The following CTBP2 variants were observed in gnomAD, a reference collection of about 807,000 sequenced individuals.
The protein encoded by CTBP2 is C-terminal-binding protein 2.
A neutral mutation model predicts 80.3 loss-of-function variants in CTBP2; 30 were observed. The observed-to-expected ratio is 0.37, with a 90% CI of 0.28 to 0.51. The LOEUF (loss-of-function observed/expected upper bound fraction) is 0.51. Among genes scored for constraint, CTBP2 ranks in the 20% least tolerant of loss-of-function variants. CTBP2 has a pLI of 0.93. For synonymous variants in CTBP2, 594 were observed against 587.4 expected (o/e 1.01, Z -0.16); for missense variants, 1,212 against 1,375.3 (o/e 0.88, Z 1.88).
rs570443851 is a variant in CTBP2 at position 125,057,517 on chromosome 10, C to T, written c.-101-18362G>A. On this transcript the variant is annotated intron_variant, in intron 2 of 10. Coordinates refer to the CTBP2 transcript ENST00000337195. ...ATCGGCCACTGAGGCCCAGACTCCCCCCGACTGAGTCTTTTGGGGATGACG... is the reference window on the plus strand; with the variant it reads ...ATCGGCCACTGAGGCCCAGACTCCCTCCGACTGAGTCTTTTGGGGATGACG... Among the ~76,000 whole-genome samples the T allele has an allele frequency of 7.2e-5, 11 of 152,342 alleles. No individual in the cohort carries two copies. In the South Asian group the frequency reaches 2.1e-3, roughly 29 times the overall value.
At chr10:125,089,439 A>G (rs1160187816) in intron 2 of CTBP2, among the ~76,000 whole-genome samples, 1 of 152,196 alleles carries the variant, frequency 6.6e-6, no homozygotes, top group Non-Finnish European at 1.5e-5. Context: ...GGGGGAGCAC[A>G]GGTGTCTAGG....
At position 124,988,326 on chromosome 10, in the gene CTBP2, GAACTT is replaced by G. The variant is rs1293502694; in HGVS notation, c.*1187_*1191del. On this transcript the variant is annotated 3_prime_UTR_variant, in exon 9 of 9. Transcript: ENST00000309035. ...ATTAGTGAGATGTACTTGAATTTCA[GAACTT>G]AACAAATTTTAATTACTTTTTATTG... The G allele has an allele frequency of 1.3e-5, 2 of 152,594 alleles. No individual in the cohort carries two copies. The highest frequency in any genetic ancestry group is 4.8e-5 in the African/African-American group (2 of 41,428). The allele number at this position is 152,594 out of a possible 1,614,324, so 9.5% of individuals were successfully genotyped here.
intron 1 of CTBP2, among the ~76,000 whole-genome samples, chr10:125,009,989 G>C (rs1487876361): frequency 2.0e-5 from 3 of 152,166 alleles, no homozygotes; most frequent in Non-Finnish European, 4.4e-5. Flanking sequence ...GGCTGATCTG[G>C]AAAGTGAGCA....
chr10:125,026,152 TGA>T lies in CTBP2; in HGVS notation c.1606_1607del (p.Ser536ThrfsTer65). 3 of 1,607,988 alleles carry T rather than the reference TGA, an allele frequency of 1.9e-6. No homozygotes were observed. In the South Asian group the frequency reaches 3.3e-5, roughly 18 times the overall value. On this transcript the variant is annotated frameshift_variant, in exon 1 of 9. Coordinates refer to ENST00000309035, the MANE Select transcript of CTBP2 (RefSeq NM_022802.3). LOFTEE classifies it high-confidence loss of function. ...TGCGCCGGGCCACCTTCTGGTACGGTGAGTGAGGCGTGTGGAGGCTCTGGCTG... is the reference window on the plus strand; with the variant it reads ...TGCGCCGGGCCACCTTCTGGTACGGTGTGAGGCGTGTGGAGGCTCTGGCTG...
chr10:125,040,762 G>A (rs1959481329), intron 2 of CTBP2, among the ~76,000 whole-genome samples: 1 of 152,136 alleles, frequency 6.6e-6, no homozygotes, highest in South Asian at 2.1e-4. Flanking sequence ...TTTATCAAAA[G>A]GTCAGACTGC....
At chr10:125,139,017 T>G (rs1028710514) in intron 1 of CTBP2, among the ~76,000 whole-genome samples, 3 of 152,180 alleles carry the variant, frequency 2.0e-5, no homozygotes, top group African/African-American at 7.2e-5. Flanking sequence ...ATTACTATTA[T>G]GCATCTACCA....
At chr10:125,040,545 T>TC (rs34491242) in intron 2 of CTBP2, among the ~76,000 whole-genome samples, 7 of 150,258 alleles carry the variant, frequency 4.7e-5, no homozygotes, top group Middle Eastern at 3.2e-3. Context: ...ATTTTTTTTT[T>TC]CCCAAGGAAT....
intron 1 of CTBP2, among the ~76,000 whole-genome samples, chr10:125,150,533 G>A (rs962331186): frequency 1.3e-5 from 2 of 152,006 alleles, no homozygotes; most frequent in Non-Finnish European, 1.5e-5. Context: ...AAGAAGCCTC[G>A]GTCAGCCACA....
chr10:124,998,317 G>A (rs539686999), intron 3 of CTBP2, 147 bp from the exon 6 acceptor site: 30 of 829,944 alleles, frequency 3.6e-5, no homozygotes, highest in African/African-American at 6.8e-5. Context: ...GGCTGGGCAC[G>A]TGGGCGGTAG....
At chr10:124,994,405 GT>G in intron 5 of CTBP2, 63 bp downstream of exon 7, 1 of 1,521,716 alleles carries the variant, frequency 6.6e-7, no homozygotes, top group Non-Finnish European at 9.1e-7. Flanking sequence ...TGTCCCTCTT[GT>G]GCCCACAAGC....
At chr10:125,087,222 C>T (rs764133246) in intron 2 of CTBP2, among the ~76,000 whole-genome samples, 2 of 151,760 alleles carry the variant, frequency 1.3e-5, no homozygotes, top group Admixed American at 6.6e-5. Flanking sequence ...TTATAGCCTG[C>T]CACCATGCCC....
intron 1 of CTBP2, among the ~76,000 whole-genome samples, chr10:125,125,044 C>T (rs1200077738): frequency 6.6e-6 from 1 of 152,198 alleles, no homozygotes; most frequent in Non-Finnish European, 1.5e-5. Context: ...GTTGGTGCCA[C>T]TGCCACTGGC....
At chr10:125,086,564 G>A (rs1474411523) in intron 2 of CTBP2, among the ~76,000 whole-genome samples, 2 of 141,102 alleles carry the variant, frequency 1.4e-5, no homozygotes, top group East Asian at 2.1e-4. Context: ...GCGGTGAGCC[G>A]AGATCACACC....
chr10:125,076,845 T>A (rs1169466085), intron 2 of CTBP2, among the ~76,000 whole-genome samples: 1 of 152,220 alleles, frequency 6.6e-6, no homozygotes, highest in Non-Finnish European at 1.5e-5. Context: ...AGAGTTTAAA[T>A]GTCCAGAAAG....
chr10:125,031,869 A>C (rs1044169957), upstream of CTBP2, among the ~76,000 whole-genome samples: 12 of 152,322 alleles, frequency 7.9e-5, no homozygotes, highest in Non-Finnish European at 1.3e-4. Context: ...TGTCTGAACC[A>C]ACCCAGCCTT....
chr10:125,097,665 GTGCACACGTGTGAGCA>G (rs537997104), intron 2 of CTBP2, among the ~76,000 whole-genome samples: 1,819 of 152,160 alleles, frequency 0.012, 28 homozygotes, highest in Middle Eastern at 0.085. Context: ...AGATGTATGT[GTGCACACGTGTGAGCA>G]TGCACACGTG....
chr10:125,161,714 GAAAA>G (rs746000424), upstream of CTBP2, among the ~76,000 whole-genome samples: 2 of 138,230 alleles, frequency 1.4e-5, no homozygotes, highest in African/African-American at 2.6e-5. Context: ...CTTACACATT[GAAAA>G]AAAAAAAAAA....
rs148755729 is a variant in CTBP2, at chr10:125,135,649, C to A, written c.-205-24556G>T. On this transcript the variant is annotated intron_variant, in intron 1 of 10. Transcript: ENST00000337195. ...TCCTCTCCATCCCCACGCACACAGG[C>A]ACCTCACCCTATGGAGCTCATTCCA... Among the ~76,000 whole-genome samples, 5 of 152,338 alleles carry A rather than the reference C, an allele frequency of 3.3e-5. No individual in the cohort carries two copies. In the East Asian group the frequency reaches 7.7e-4, roughly 23 times the overall value.
intron 3 of CTBP2, among the ~76,000 whole-genome samples, chr10:125,037,914 G>C (rs1959051215): frequency 6.6e-6 from 1 of 152,140 alleles, no homozygotes; most frequent in Non-Finnish European, 1.5e-5. Context: ...CCCCTCAAAA[G>C]AATCTGGAAA....
Sources: gnomAD v4.1 joint callset for allele counts (sites outside exome capture counted in the v4.1 genomes callset) on GRCh38, gnomAD v4.1.1 for gene constraint, MANE v1.5 for transcripts, NCBI Gene and HGNC (gene_info 2026-07-23, HGNC 2026-07-21) for gene names.